The following CDIN1 variants were observed in gnomAD, a reference collection of about 807,000 sequenced individuals.
CDIN1 encodes the protein CDAN1 interacting nuclease 1, also known as CDAN1-interacting nuclease 1.
Under a neutral mutation model 45.3 loss-of-function variants are expected in CDIN1, and 33 were observed. The ratio of observed to expected loss-of-function variants is 0.73; its 90% CI spans 0.55 to 0.97. CDIN1 has a LOEUF of 0.97. CDIN1 is among the 50% of genes least tolerant of loss of function. The pLI is 0.00. For synonymous variants in CDIN1, 118 were observed against 124.4 expected (o/e 0.95, Z 0.34); for missense variants, 303 against 339.4 (o/e 0.89, Z 0.84).
intron 1 of CDIN1, among the ~76,000 whole-genome samples, chr15:36,615,590 T>G (rs4924088): frequency 0.16 from 24,895 of 152,146 alleles, 2,391 homozygotes; most frequent in African/African-American, 0.27. Context: ...AATAATTAAA[T>G]TTCAACATGA....
chr15:36,745,042 T>C (rs905467693), intron 10 of CDIN1, among the ~76,000 whole-genome samples: 1 of 152,160 alleles, frequency 6.6e-6, no homozygotes, highest in Non-Finnish European at 1.5e-5. Context: ...TTTGAGAGTA[T>C]ATGTATGAGC....
At chr15:36,738,129 A>G (rs2044098714) in intron 10 of CDIN1, among the ~76,000 whole-genome samples, 1 of 151,722 alleles carries the variant, frequency 6.6e-6, no homozygotes, top group African/African-American at 2.4e-5. Context: ...CCTCTTCTCT[A>G]TTTTTTTGGC....
intron 1 of CDIN1, among the ~76,000 whole-genome samples, chr15:36,614,796 T>C (rs1399379656): frequency 6.6e-6 from 1 of 152,204 alleles, no homozygotes; most frequent in Non-Finnish European, 1.5e-5. Context: ...CTGTTCAAGT[T>C]TTCAGCTTTA....
intron 1 of CDIN1, among the ~76,000 whole-genome samples, chr15:36,616,711 G>A (rs564533377): frequency 2.0e-5 from 3 of 151,946 alleles, no homozygotes; most frequent in East Asian, 3.9e-4. Flanking sequence ...TCAGGAGTTC[G>A]AGACCAGCCT....
At chr15:36,626,170 G>A (rs2039413829) in intron 1 of CDIN1, among the ~76,000 whole-genome samples, 1 of 151,046 alleles carries the variant, frequency 6.6e-6, no homozygotes, top group Middle Eastern at 3.4e-3. Context: ...GTTTATTTAA[G>A]CCCCTGTTCA....
intron 10 of CDIN1, among the ~76,000 whole-genome samples, chr15:36,772,007 A>G (rs1032968827): frequency 7.2e-5 from 11 of 151,986 alleles, no homozygotes; most frequent in Admixed American, 2.0e-4. Flanking sequence ...CTGTGCATTC[A>G]TGCTGTTAAA....
At chr15:36,739,861 A>G (rs1323254691) in intron 10 of CDIN1, among the ~76,000 whole-genome samples, 1 of 151,034 alleles carries the variant, frequency 6.6e-6, no homozygotes, top group Admixed American at 6.6e-5. Context: ...ATCACATCCA[A>G]AAAATTTGAA....
intron 10 of CDIN1, among the ~76,000 whole-genome samples, chr15:36,760,513 T>C (rs1374479723): frequency 1.3e-5 from 2 of 152,252 alleles, no homozygotes; most frequent in Non-Finnish European, 2.9e-5. Context: ...CATCCAGTTC[T>C]TAGGAACTTT....
intron 1 of CDIN1, among the ~76,000 whole-genome samples, chr15:36,635,218 T>C (rs540720872): frequency 1.3e-5 from 2 of 152,292 alleles, no homozygotes; most frequent in South Asian, 4.1e-4. Context: ...ATACCTGAAA[T>C]TGACTAAGGT....
At chr15:36,637,450 G>T (rs2140374632) in intron 1 of CDIN1, among the ~76,000 whole-genome samples, 1 of 152,260 alleles carries the variant, frequency 6.6e-6, no homozygotes, top group South Asian at 2.1e-4. Context: ...AAATGAAAAG[G>T]CAAGCCATGG....
chr15:36,727,261 A>G (rs1342550642), intron 10 of CDIN1, among the ~76,000 whole-genome samples: 2 of 151,800 alleles, frequency 1.3e-5, no homozygotes, highest in East Asian at 1.9e-4. Flanking sequence ...TAACTGACCC[A>G]TATTTGTATC....
intron 1 of CDIN1, among the ~76,000 whole-genome samples, chr15:36,643,385 T>A (rs1024071603): frequency 6.6e-6 from 1 of 152,214 alleles, no homozygotes; most frequent in African/African-American, 2.4e-5. Context: ...AAAAAATGTA[T>A]TCACAGTATT....
At chr15:36,786,054 G>T (rs1336938908) in intron 10 of CDIN1, among the ~76,000 whole-genome samples, 3 of 152,142 alleles carry the variant, frequency 2.0e-5, no homozygotes, top group African/African-American at 7.2e-5. Context: ...ACTTTCCAGT[G>T]GTTTCCAGAG....
rs531793398 is a variant in CDIN1, at chr15:36,676,023, G to A, written c.347-15662G>A. 2.1e-4 allele frequency among the ~76,000 whole-genome samples: 32 copies of A among 152,086 alleles called. 1 individual carries two copies. In the South Asian group the frequency reaches 2.7e-3, roughly 13 times the overall value. On this transcript the variant is annotated intron_variant, in intron 5 of 10. Transcript: ENST00000566621. ...GGATAATGGGCAGAAATTGAATAGC[G>A]GTGTTTTCCTTGAAAGTTGTTGAGA...
chr15:36,698,283 G>A (rs1332349793), intron 8 of CDIN1, among the ~76,000 whole-genome samples: 1 of 152,110 alleles, frequency 6.6e-6, no homozygotes, highest in African/African-American at 2.4e-5. Flanking sequence ...AATGTTCAAT[G>A]TTTTTATTAA....
chr15:36,799,002 A>G (rs112453045), intron 10 of CDIN1: 3 of 152,342 alleles, frequency 2.0e-5, no homozygotes, highest in African/African-American at 7.2e-5. Context: ...TATGGTTGTC[A>G]TATCAATTAT....
Position 36,777,872 on chromosome 15 carries a change from A to G in CDIN1, c.717-30452A>G, listed in dbSNP as rs375784706. On this transcript the variant is annotated intron_variant, in intron 10 of 10. Coordinates refer to ENST00000566621, the MANE Select transcript of CDIN1 (RefSeq NM_001321759.2). ...ACCATCTGCCCGCCTCGGCCTCCCA[A>G]AGTGCTGGGATTATAGGCATGATCC... 2.0e-5 allele frequency among the ~76,000 whole-genome samples: 3 copies of G among 152,252 alleles called. No individual in the cohort carries two copies. In the East Asian group the frequency reaches 5.8e-4, roughly 29 times the overall value.
At chr15:36,757,137 G>A (rs2053629927) in intron 10 of CDIN1, among the ~76,000 whole-genome samples, 1 of 152,178 alleles carries the variant, frequency 6.6e-6, no homozygotes, top group Non-Finnish European at 1.5e-5. Flanking sequence ...GCAGTACTCA[G>A]AGGGTCCTGT....
intron 1 of CDIN1, among the ~76,000 whole-genome samples, chr15:36,593,225 A>G (rs2037664672): frequency 6.6e-6 from 1 of 152,218 alleles, no homozygotes; most frequent in Non-Finnish European, 1.5e-5. Context: ...AGAACTGAAA[A>G]TATTTTGCCT....
Sources: gnomAD v4.1 joint callset for allele counts (sites outside exome capture counted in the v4.1 genomes callset) on GRCh38, gnomAD v4.1.1 for gene constraint, MANE v1.5 for transcripts, NCBI Gene and HGNC (gene_info 2026-07-23, HGNC 2026-07-21) for gene names.